DMXL2: variants seen among roughly 807,000 people sequenced by gnomAD.
The protein encoded by DMXL2 is dmX-like protein 2.
DMXL2 carries 103 observed loss-of-function variants against 331.1 expected under a neutral mutation model. The ratio of observed to expected loss-of-function variants is 0.31; its 90% CI spans 0.27 to 0.37. The LOEUF (loss-of-function observed/expected upper bound fraction) is 0.37, where lower values mean the gene tolerates loss of function less well. Ranked by LOEUF, DMXL2 falls within the 10% of genes least tolerant of loss-of-function variation. The pLI is 1.00. For missense variants in DMXL2, 3,171 were observed against 3,642.9 expected (o/e 0.87, Z 3.33); for synonymous variants, 1,281 against 1,252.1 (o/e 1.02, Z -0.49).
intron 1 of DMXL2, among the ~76,000 whole-genome samples, chr15:51,613,347 G>T (rs1293863622): frequency 2.0e-5 from 3 of 152,282 alleles, no homozygotes; most frequent in African/African-American, 7.2e-5. Context: ...TTAATTTGGG[G>T]AACTAATAAA....
intron 13 of DMXL2, among the ~76,000 whole-genome samples, chr15:51,523,370 G>A (rs2047485585): frequency 6.6e-6 from 1 of 152,170 alleles, no homozygotes; most frequent in African/African-American, 2.4e-5. Context: ...AGTCAAAATG[G>A]CTCAAGGAAG....
At position 51,598,098 on chromosome 15, in the gene DMXL2, G is replaced by A. The variant is rs556259046; in HGVS notation, c.88-21917C>T. Among the ~76,000 whole-genome samples the A allele has an allele frequency of 7.2e-5, 11 of 152,222 alleles. No homozygotes were observed. In the South Asian group the frequency reaches 2.3e-3, roughly 32 times the overall value. ...TTTCACTTTTAATGCTATCTTTGAG[G>A]AAGTTCCTAATTTTAAAGTAGTCCA... On this transcript the variant is annotated intron_variant, in intron 1 of 43. Coordinates refer to ENST00000560891, the MANE Select transcript of DMXL2 (RefSeq NM_001378457.1).
At chr15:51,515,148 A>C (rs985806426) in intron 14 of DMXL2, among the ~76,000 whole-genome samples, 1 of 152,286 alleles carries the variant, frequency 6.6e-6, no homozygotes, top group African/African-American at 2.4e-5. Context: ...GAACCCCTCG[A>C]AGGATGGATG....
chr15:51,596,030 A>G (rs2052775114), intron 1 of DMXL2, among the ~76,000 whole-genome samples: 1 of 152,254 alleles, frequency 6.6e-6, no homozygotes, highest in African/African-American at 2.4e-5. Flanking sequence ...CATGTCTAAA[A>G]CACCAAAAGC....
chr15:51,595,463 G>T (rs2141272428), intron 1 of DMXL2, among the ~76,000 whole-genome samples: 1 of 152,288 alleles, frequency 6.6e-6, no homozygotes, highest in East Asian at 1.9e-4. Flanking sequence ...TCATGGGTAG[G>T]AAGAATCAAT....
In DMXL2 at chr15:51,569,459, C is replaced by T. The variant is rs865908822; in HGVS notation, c.214-901G>A. On this transcript the variant is annotated intron_variant, in intron 2 of 43. Coordinates refer to ENST00000560891, the MANE Select transcript of DMXL2 (RefSeq NM_001378457.1). ...CTAAAGAGAGCAGCAATTCTCCCAG[C>T]ACAGCATTCGAGCTCTGATACAGGA... Among the ~76,000 whole-genome samples the T allele has an allele frequency of 3.2e-4, 49 of 152,170 alleles. 1 individual carries two copies. Among genetic ancestry groups the T allele is most frequent in the African/African-American group, 1.1e-3 (45 of 41,436 alleles).
intron 13 of DMXL2, 127 bp downstream of exon 13, chr15:51,535,536 T>A: frequency 5.3e-6 from 4 of 761,314 alleles, no homozygotes; most frequent in Non-Finnish European, 7.8e-6. Context: ...GTCATATATA[T>A]GTCATATGCA....
At chr15:51,588,747 C>G (rs1421518098) in intron 1 of DMXL2, among the ~76,000 whole-genome samples, 4 of 152,106 alleles carry the variant, frequency 2.6e-5, no homozygotes, top group Non-Finnish European at 5.9e-5. Context: ...ATTAAACTTC[C>G]AACACCTTCA....
chr15:51,530,440 C>A (rs934971461), intron 13 of DMXL2, among the ~76,000 whole-genome samples: 1 of 152,016 alleles, frequency 6.6e-6, no homozygotes, highest in African/African-American at 2.4e-5. Context: ...AGCAAAAAAT[C>A]TGAAAAAGAA....
chr15:51,563,728 A>G (rs947195785), intron 5 of DMXL2, among the ~76,000 whole-genome samples: 4 of 152,116 alleles, frequency 2.6e-5, no homozygotes, highest in African/African-American at 9.6e-5. Context: ...ACATGTTAAA[A>G]GCTGAGCTTA....
intron 1 of DMXL2, among the ~76,000 whole-genome samples, chr15:51,612,868 T>G (rs1282807788): frequency 2.0e-5 from 3 of 152,198 alleles, no homozygotes; most frequent in Non-Finnish European, 4.4e-5. Flanking sequence ...ATCCCCCATC[T>G]ATGACCGTAA....
chr15:51,569,623 A>T (rs1227515631), intron 2 of DMXL2, among the ~76,000 whole-genome samples: 1 of 152,198 alleles, frequency 6.6e-6, no homozygotes, highest in Non-Finnish European at 1.5e-5. Context: ...CAAAGCTCCC[A>T]GAGGTAGGAA....
chr15:51,458,336 CAGTT>C (rs2039826321), intron 36 of DMXL2, among the ~76,000 whole-genome samples, 166 bp downstream of exon 36: 1 of 152,120 alleles, frequency 6.6e-6, no homozygotes, highest in Non-Finnish European at 1.5e-5. Flanking sequence ...GTAATTCATT[CAGTT>C]AATGTAGACA....
At chr15:51,468,621 TAATTG>T (rs2040815938) in intron 29 of DMXL2, among the ~76,000 whole-genome samples, 1 of 152,114 alleles carries the variant, frequency 6.6e-6, no homozygotes, top group African/African-American at 2.4e-5. Flanking sequence ...TACTTCAGGG[TAATTG>T]AATAGGTTGA....
At chr15:51,563,272 G>A in intron 6 of DMXL2, 109 bp downstream of exon 6, 3 of 916,816 alleles carry the variant, frequency 3.3e-6, no homozygotes, top group Non-Finnish European at 4.8e-6. Context: ...GCTTTGCCAA[G>A]GAGGATTATC....
chr15:51,486,296 A>T lies in DMXL2; in HGVS notation c.5259T>A (p.Val1753=). 6.2e-7 allele frequency: 1 copy of T among 1,603,664 alleles called. No individual in the cohort carries two copies. Among genetic ancestry groups the T allele is most frequent in the Non-Finnish European group, 8.5e-7 (1 of 1,171,058 alleles). The change falls in exon 23 of 44, where the codon GTT becomes GTA. Residue 1753 remains valine, a synonymous_variant. Transcript: ENST00000560891. ...ATTCAGATTCATATAAACGGGCAAT[A>T]ACCATGGCTAGCTGAATATCTTCCA... ...EKMEDIQLAM[V]IARLYESEFE...
intron 2 of DMXL2, among the ~76,000 whole-genome samples, chr15:51,571,646 C>A (rs2050677294): frequency 6.6e-6 from 1 of 152,226 alleles, no homozygotes; most frequent in Non-Finnish European, 1.5e-5. Context: ...CAAAACCTCA[C>A]AACTACGTGC....
chr15:51,461,842 A>C (rs2040155196), intron 33 of DMXL2, among the ~76,000 whole-genome samples: 1 of 152,114 alleles, frequency 6.6e-6, no homozygotes, highest in African/African-American at 2.4e-5. Flanking sequence ...GCCTGGCTAA[A>C]ATCTTTTATT....
In DMXL2 at chr15:51,481,386, T is replaced by C. The variant is rs367791081; in HGVS notation, c.5720A>G (p.Lys1907Arg). 1.2e-5 allele frequency: 19 copies of C among 1,613,616 alleles called. No individual in the cohort carries two copies. The highest frequency in any genetic ancestry group is 1.6e-5 in the Non-Finnish European group (19 of 1,179,858). ...AGATGTTTTGGTTACTTTTGGAATT[T>C]TGGAGAGTACCTCCAAGGCTAAAAC... ...CPVLALEVLSKIPKVTKTSAL... is the reference protein window; with the variant it reads ...CPVLALEVLSRIPKVTKTSAL... Residue 1907 changes from lysine (K) to arginine (R), a missense_variant, in exon 24 of 44, where the codon AAA (lysine) becomes AGA (arginine). This residue lies in a region of DMXL2 where 244 missense variants were observed against 251.4 expected (regional missense o/e 0.97). Transcript: ENST00000560891.
Sources: gnomAD v4.1 joint callset for allele counts (sites outside exome capture counted in the v4.1 genomes callset) on GRCh38, gnomAD v4.1.1 for gene constraint, gnomAD v4.1.1 regional missense constraint, MANE v1.5 for transcripts, NCBI Gene and HGNC (gene_info 2026-07-23, HGNC 2026-07-21) for gene names.